IKBKB: variants seen among roughly 807,000 people sequenced by gnomAD.
The protein encoded by IKBKB is inhibitor of nuclear factor kappa B kinase subunit beta, also known as inhibitor of nuclear factor kappa-B kinase subunit beta.
A neutral mutation model predicts 113.6 loss-of-function variants in IKBKB; 42 were observed. That is an observed-to-expected ratio of 0.37 (90% CI 0.29 to 0.48). IKBKB has a LOEUF of 0.48. Among genes scored for constraint, IKBKB ranks in the 20% least tolerant of loss-of-function variants. The pLI is 0.99. For missense variants in IKBKB, 673 were observed against 939.7 expected, an observed-to-expected ratio of 0.72 and a Z score of 3.71; for synonymous variants, 296 against 361.3, an observed-to-expected ratio of 0.82 and a Z score of 2.05.
intron 2 of IKBKB, among the ~76,000 whole-genome samples, chr8:42,286,623 A>T (rs988206923): frequency 1.3e-5 from 2 of 152,092 alleles, no homozygotes; most frequent in African/African-American, 4.8e-5. Context: ...ATGGCACCAC[A>T]CCTGGCTAAT....
At chr8:42,271,792 G>A in intron 1 of IKBKB, 1 of 515,812 alleles carries the variant, frequency 1.9e-6, no homozygotes, top group Non-Finnish European at 3.4e-6. Flanking sequence ...GCCCCTGGTG[G>A]AGTCAGCTGG....
At chr8:42,273,493 G>T (rs767077584) in intron 2 of IKBKB, among the ~76,000 whole-genome samples, 2 of 151,494 alleles carry the variant, frequency 1.3e-5, no homozygotes, top group Non-Finnish European at 2.9e-5. Flanking sequence ...GATACTGCAC[G>T]GCAAAAAATA....
intron 20 of IKBKB, among the ~76,000 whole-genome samples, chr8:42,328,194 G>A (rs1248847095): frequency 6.6e-6 from 1 of 150,430 alleles, no homozygotes; most frequent in Non-Finnish European, 1.5e-5. Context: ...TGATCCGCCC[G>A]CCTTGGTCTC....
intron 6 of IKBKB, among the ~76,000 whole-genome samples, chr8:42,306,074 T>C (rs1305429866): frequency 6.6e-6 from 1 of 152,228 alleles, no homozygotes; most frequent in Non-Finnish European, 1.5e-5. Flanking sequence ...GGCTGGTGCC[T>C]GTTCTGTTCA....
Position 42,331,647 on chromosome 8 carries a change from G to T in IKBKB, c.*668G>T, listed in dbSNP as rs200856609. On this transcript the variant is annotated 3_prime_UTR_variant, in exon 22 of 22. Coordinates refer to ENST00000520810, the MANE Select transcript of IKBKB (RefSeq NM_001556.3). ...GTCCTCTTTTCGGCAAAGTTGGAGC[G>T]AGTGCCAAGCTCTCCATCTGTGGTC... The T allele has an allele frequency of 3.7e-6, 2 of 544,420 alleles. No individual in the cohort carries two copies. The highest frequency in any genetic ancestry group is 6.6e-6 in the Non-Finnish European group (2 of 303,314). The allele number at this position is 544,420 out of a possible 1,614,324, so 33.7% of individuals were successfully genotyped here.
chr8:42,309,648 C>G (rs1163259848), intron 8 of IKBKB: 1 of 189,082 alleles, frequency 5.3e-6, no homozygotes, highest in Non-Finnish European at 1.1e-5. Flanking sequence ...ACTCGGAAGG[C>G]TGAGGTGGGA....
chr8:42,293,561 G>T lies in IKBKB; in HGVS notation c.388+49G>T, dbSNP rs772413270. The T allele has an allele frequency of 2.5e-6, 4 of 1,613,788 alleles. No homozygotes were observed. The East Asian group carries it at 8.9e-5, about 36-fold the overall frequency. On this transcript the variant is annotated intron_variant, in intron 5 of 21. Transcript: ENST00000520810. ...GGCCGTGTCCTTCAGGGAGAGTGTG[G>T]TGCCCCTGTGAGTCCCTGCGGAGCC...
At chr8:42,324,287 CAA>C (rs1038535621) in intron 19 of IKBKB, among the ~76,000 whole-genome samples, 2 of 151,836 alleles carry the variant, frequency 1.3e-5, no homozygotes, top group Admixed American at 6.6e-5. Context: ...TTTTTCGAGA[CAA>C]AGTCTCGCTC....
intron 2 of IKBKB, among the ~76,000 whole-genome samples, chr8:42,281,339 G>A (rs1810339808): frequency 6.6e-6 from 1 of 152,196 alleles, no homozygotes; most frequent in African/African-American, 2.4e-5. Flanking sequence ...GTCGGATGCT[G>A]TGTTTCATTT....
chr8:42,312,175 C>T (rs577215387), intron 8 of IKBKB, among the ~76,000 whole-genome samples: 13 of 152,300 alleles, frequency 8.5e-5, no homozygotes, highest in Admixed American at 4.6e-4. Flanking sequence ...CGTGAGCCAC[C>T]GCGCCCGGCT....
At position 42,271,306 on chromosome 8, in the gene IKBKB, C is replaced by A; in HGVS notation, c.-182C>A. 1 of 897,272 alleles carries A rather than the reference C, an allele frequency of 1.1e-6. No individual in the cohort carries two copies. The highest frequency in any genetic ancestry group is 1.8e-6 in the Non-Finnish European group (1 of 564,700). 55.6% of individuals were successfully genotyped at this position (897,272 alleles called of 1,614,324 possible). A position where few individuals can be genotyped will look rare whatever the true frequency, so the allele number is the denominator to read the frequency against. On this transcript the variant is annotated 5_prime_UTR_variant, in exon 1 of 22. Transcript: ENST00000520810. ...CGGCCGCGGCCAACGTGCTCCGTGACGTCAGAGCAGGAAGTGTTTGAGGAA... is the reference window on the plus strand; with the variant it reads ...CGGCCGCGGCCAACGTGCTCCGTGAAGTCAGAGCAGGAAGTGTTTGAGGAA...
chr8:42,320,935 G>C (rs1227982755), intron 16 of IKBKB, 91 bp downstream of exon 16: 1 of 715,386 alleles, frequency 1.4e-6, no homozygotes, highest in East Asian at 2.8e-5. Flanking sequence ...CTCAGTGGCT[G>C]TGCGGGACCA....
intron 4 of IKBKB, among the ~76,000 whole-genome samples, chr8:42,293,069 G>A (rs1247174846): frequency 6.6e-6 from 1 of 152,086 alleles, no homozygotes; most frequent in African/African-American, 2.4e-5. Flanking sequence ...GTGGTATCCA[G>A]TCATGCCCTC....
intron 2 of IKBKB, chr8:42,272,409 CTAAA>C (rs1442517394): frequency 3.5e-5 from 22 of 624,614 alleles, no homozygotes; most frequent in African/African-American, 2.8e-4. Flanking sequence ...ACTATGTCAC[CTAAA>C]TAAATAGTAA....
intron 5 of IKBKB, chr8:42,298,178 A>C (rs1814307388): frequency 1.0e-6 from 1 of 985,342 alleles, no homozygotes; most frequent in South Asian, 4.7e-5. Flanking sequence ...AATTCTGGGC[A>C]CTCAAGATTG....
intron 1 of IKBKB, 135 bp downstream of exon 1, chr8:42,271,604 G>T (rs1250488076): frequency 3.6e-6 from 2 of 552,384 alleles, no homozygotes; most frequent in Non-Finnish European, 6.3e-6. Context: ...CACTTGTGCG[G>T]GTTGGAGTTC....
intron 2 of IKBKB, among the ~76,000 whole-genome samples, chr8:42,284,060 T>C (rs1422123318): frequency 3.3e-5 from 5 of 152,182 alleles, no homozygotes. Flanking sequence ...GAGGCAAGTG[T>C]CTGTAGCAGT....
rs199994064 is a variant in IKBKB at position 42,316,161 on chromosome 8, C to A, written c.801-49C>A. 158 of 1,605,538 alleles carry A rather than the reference C, an allele frequency of 9.8e-5. No individual in the cohort carries two copies. The African/African-American group carries it at 1.8e-3, about 19-fold the overall frequency. On this transcript the variant is annotated intron_variant, in intron 9 of 21. Transcript: ENST00000520810. The surrounding 1 kb of genome is among the most constrained non-coding windows in gnomAD (Gnocchi z 4.5). ...TATACTGGGAGACGCACACTGTAGC[C>A]CAACATTGGCTGGAAGTGTCTCCTC...
Position 42,271,480 on chromosome 8 carries a change from C to G in IKBKB, c.-19+11C>G. ...CGTCCCTGCCGACAGGTGAGTCCCCCTCGTGGGTGCGGCCCGGGTGCCACC... is the reference window on the plus strand; with the variant it reads ...CGTCCCTGCCGACAGGTGAGTCCCCGTCGTGGGTGCGGCCCGGGTGCCACC... On this transcript the variant is annotated intron_variant, in intron 1 of 21. Transcript: ENST00000520810. The G allele has an allele frequency of 8.8e-7, 1 of 1,133,060 alleles. No individual in the cohort carries two copies. The highest frequency in any genetic ancestry group is 1.2e-6 in the Non-Finnish European group (1 of 803,224). 70.2% of individuals were successfully genotyped at this position (1,133,060 alleles called of 1,614,324 possible).
Sources: allele counts gnomAD v4.1 joint callset (sites outside exome capture counted in the v4.1 genomes callset), GRCh38; gene constraint gnomAD v4.1.1; non-coding constraint Gnocchi (gnomAD v3.1); transcripts MANE v1.5; gene names NCBI Gene and HGNC (gene_info 2026-07-23, HGNC 2026-07-21).